FBXL7: variants seen among roughly 807,000 people sequenced by gnomAD.
FBXL7 encodes F-box/LRR-repeat protein 7.
In FBXL7, 12 loss-of-function variants were observed where a neutral mutation model predicts 38.3. That is an observed-to-expected ratio of 0.31 (90% confidence interval 0.20 to 0.51). The LOEUF is 0.51. Ranked by LOEUF, FBXL7 falls within the 20% of genes least tolerant of loss-of-function variation. The pLI is 0.98. For synonymous variants in FBXL7, 297 were observed against 300.9 expected (o/e 0.99, Z 0.13); for missense variants, 567 against 676.4 (o/e 0.84, Z 1.79).
intron 1 of FBXL7, among the ~76,000 whole-genome samples, chr5:15,585,294 C>A (rs1161311989): frequency 6.6e-6 from 1 of 152,058 alleles, no homozygotes; most frequent in Non-Finnish European, 1.5e-5. Context: ...TACTCATTGT[C>A]CATGCTTGTA....
At chr5:15,863,097 A>G (rs1739546045) in intron 2 of FBXL7, among the ~76,000 whole-genome samples, 1 of 152,208 alleles carries the variant, frequency 6.6e-6, no homozygotes, top group Non-Finnish European at 1.5e-5. Flanking sequence ...GTGTTTAAAC[A>G]GTGACCTCTT....
At chr5:15,834,112 C>G (rs2126776976) in intron 2 of FBXL7, among the ~76,000 whole-genome samples, 1 of 152,134 alleles carries the variant, frequency 6.6e-6, no homozygotes, top group South Asian at 2.1e-4. Context: ...AAATGCTTAC[C>G]AGGAGTTAAG....
At chr5:15,832,728 C>T (rs764843726) in intron 2 of FBXL7, among the ~76,000 whole-genome samples, 4 of 152,108 alleles carry the variant, frequency 2.6e-5, no homozygotes, top group African/African-American at 7.2e-5. Flanking sequence ...TTCTGCAGGT[C>T]GGGATGATTG....
chr5:15,852,927 A>ACATCAAG (rs1035678979), intron 2 of FBXL7, among the ~76,000 whole-genome samples: 1 of 152,198 alleles, frequency 6.6e-6, no homozygotes, highest in Non-Finnish European at 1.5e-5. Flanking sequence ...CTAAATCCTG[A>ACATCAAG]CATCAAGGGT....
At position 15,746,116 on chromosome 5, in the gene FBXL7, A is replaced by C. The variant is rs151166066; in HGVS notation, c.127+130044A>C. On this transcript the variant is annotated intron_variant, in intron 2 of 3. Transcript: ENST00000504595. ...GTGTAGAGTGTGGTAGAATGATACT[A>C]GTCAAGAGTGAATCCTAAGTGCTTA... Among the ~76,000 whole-genome samples the C allele has an allele frequency of 1.9e-3, 286 of 152,286 alleles. 1 individual carries two copies. Among genetic ancestry groups the C allele is most frequent in the African/African-American group, 6.3e-3 (263 of 41,558 alleles).
In FBXL7 at chr5:15,848,304, T is replaced by TAAA. The variant is rs148747683; in HGVS notation, c.128-79578_128-79576dup. On this transcript the variant is annotated intron_variant, in intron 2 of 3. Transcript: ENST00000504595. The stretch of plus-strand genomic sequence containing the variant: ...CTCAATTACTTAATTCTACCTTTCT[T>TAAA]AAAAAAAAAACACAATATGGCAGAC... Among the ~76,000 whole-genome samples the TAAA allele has an allele frequency of 3.2e-4, 48 of 149,306 alleles. 1 individual carries two copies. Among genetic ancestry groups the TAAA allele is most frequent in the African/African-American group, 1.2e-3 (48 of 40,916 alleles).
intron 1 of FBXL7, among the ~76,000 whole-genome samples, chr5:15,512,123 A>C (rs1736811417): frequency 6.6e-6 from 1 of 152,166 alleles, no homozygotes; most frequent in Non-Finnish European, 1.5e-5. Context: ...TATTTTCTTC[A>C]GTCTTCTCTT....
At chr5:15,863,675 TG>T (rs1174233169) in intron 2 of FBXL7, among the ~76,000 whole-genome samples, 1 of 152,334 alleles carries the variant, frequency 6.6e-6, no homozygotes, top group Non-Finnish European at 1.5e-5. Context: ...GGGAGGTATT[TG>T]GGTCATGGAG....
At chr5:15,739,946 C>G (rs1465508851) in intron 2 of FBXL7, among the ~76,000 whole-genome samples, 2 of 152,026 alleles carry the variant, frequency 1.3e-5, no homozygotes, top group Non-Finnish European at 1.5e-5. Context: ...TTATATTTGT[C>G]TTTTTGAGGA....
At chr5:15,687,981 T>C (rs920549208) in intron 2 of FBXL7, among the ~76,000 whole-genome samples, 12 of 152,212 alleles carry the variant, frequency 7.9e-5, no homozygotes, top group Non-Finnish European at 1.6e-4. Context: ...CGACTCTGCA[T>C]GTGTATACCT....
intron 2 of FBXL7, among the ~76,000 whole-genome samples, chr5:15,793,079 T>A (rs1380256498): frequency 1.3e-5 from 2 of 152,148 alleles, no homozygotes; most frequent in Admixed American, 6.6e-5. Context: ...GGAGGGGAGC[T>A]GCAGTGCCTT....
At chr5:15,878,574 G>A (rs1375786700) in intron 2 of FBXL7, among the ~76,000 whole-genome samples, 1 of 152,100 alleles carries the variant, frequency 6.6e-6, no homozygotes, top group Admixed American at 6.6e-5. Flanking sequence ...AACTCCTTGA[G>A]GAGTTCTCTA....
chr5:15,836,690 T>C (rs1419615003), intron 2 of FBXL7, among the ~76,000 whole-genome samples: 3 of 152,198 alleles, frequency 2.0e-5, no homozygotes, highest in South Asian at 2.1e-4. Context: ...CGGGAGGCAA[T>C]AGGAGGCCAG....
In FBXL7 at chr5:15,936,356, C is replaced by T; in HGVS notation, c.740-94C>T. On this transcript the variant is annotated intron_variant, in intron 3 of 3. Transcript: ENST00000504595. The surrounding 1 kb of genome is among the most constrained non-coding windows in gnomAD (Gnocchi z 6.0). ...GGGTAACATCAGCCTCGGACCCAGACTTGGGCGAGGGTCAGGAATGCCCCA... is the reference window on the plus strand; with the variant it reads ...GGGTAACATCAGCCTCGGACCCAGATTTGGGCGAGGGTCAGGAATGCCCCA... The T allele has an allele frequency of 6.8e-7, 1 of 1,472,048 alleles. No homozygotes were observed. The highest frequency in any genetic ancestry group is 1.3e-5 in the South Asian group (1 of 74,662). 91.2% of individuals were successfully genotyped at this position (1,472,048 alleles called of 1,614,324 possible).
At chr5:15,552,846 G>A (rs1409263173) in intron 1 of FBXL7, among the ~76,000 whole-genome samples, 2 of 152,186 alleles carry the variant, frequency 1.3e-5, no homozygotes, top group East Asian at 3.9e-4. Context: ...CACTTTGGGA[G>A]GCTGAGGTGG....
intron 2 of FBXL7, among the ~76,000 whole-genome samples, chr5:15,675,469 G>T (rs1488069258): frequency 2.0e-5 from 3 of 152,180 alleles, no homozygotes; most frequent in African/African-American, 4.8e-5. Context: ...CTGTTGAATT[G>T]CTTCCATTCA....
chr5:15,754,500 C>T (rs1347851351), intron 2 of FBXL7, among the ~76,000 whole-genome samples: 2 of 152,104 alleles, frequency 1.3e-5, no homozygotes, highest in Non-Finnish European at 2.9e-5. Flanking sequence ...AATGATGTGA[C>T]ACATTTCAAC....
At chr5:15,858,202 A>G (rs554134077) in intron 2 of FBXL7, among the ~76,000 whole-genome samples, 1 of 149,822 alleles carries the variant, frequency 6.7e-6, no homozygotes, top group South Asian at 2.1e-4. Flanking sequence ...AAAAGTATAT[A>G]TATATTTTAC....
chr5:15,703,511 G>C (rs1391556815), intron 2 of FBXL7, among the ~76,000 whole-genome samples: 1 of 152,154 alleles, frequency 6.6e-6, no homozygotes, highest in Non-Finnish European at 1.5e-5. Context: ...AATATTGACA[G>C]TTATTGCTTC....
Sources: allele counts gnomAD v4.1 joint callset (sites outside exome capture counted in the v4.1 genomes callset), GRCh38; gene constraint gnomAD v4.1.1; non-coding constraint Gnocchi (gnomAD v3.1); transcripts MANE v1.5; gene names NCBI Gene and HGNC (gene_info 2026-07-23, HGNC 2026-07-21).